EDAR: variants seen among roughly 807,000 people sequenced by gnomAD.
The protein encoded by EDAR is ectodysplasin A receptor, also known as tumor necrosis factor receptor superfamily member EDAR.
A neutral mutation model predicts 51.3 loss-of-function variants in EDAR; 38 were observed. The ratio of observed to expected loss-of-function variants is 0.74; its 90% CI spans 0.57 to 0.97. EDAR has a LOEUF of 0.97. Among genes scored for constraint, EDAR ranks in the 50% least tolerant of loss-of-function variants. The probability of loss-of-function intolerance (pLI) is 0.00; values close to 1 mark genes in which losing one functional copy is unlikely to be tolerated. For synonymous variants in EDAR, 227 were observed against 242.1 expected, an observed-to-expected ratio of 0.94 and a Z score of 0.58; for missense variants, 528 against 595.0, an observed-to-expected ratio of 0.89 and a Z score of 1.17.
intron 1 of EDAR, among the ~76,000 whole-genome samples, chr2:108,934,450 C>T (rs1359607928): frequency 2.0e-5 from 3 of 152,162 alleles, no homozygotes; most frequent in Non-Finnish European, 4.4e-5. Context: ...ACGTGGGGCT[C>T]CAGCCTCGTG....
At chr2:108,905,701 G>A (rs540652384) in intron 11 of EDAR, among the ~76,000 whole-genome samples, 10 of 152,282 alleles carry the variant, frequency 6.6e-5, no homozygotes, top group African/African-American at 2.4e-4. Flanking sequence ...GGGTTAATAA[G>A]AAGGTAATTT....
At chr2:108,970,526 C>T (rs1056758233) in intron 1 of EDAR, among the ~76,000 whole-genome samples, 8 of 151,958 alleles carry the variant, frequency 5.3e-5, no homozygotes, top group African/African-American at 7.3e-5. Flanking sequence ...GGCCTCTGGA[C>T]GGTGCCCAGG....
At position 108,931,011 on chromosome 2, in the gene EDAR, C is replaced by T. The variant is rs1697357300; in HGVS notation, c.4G>A (p.Ala2Thr). ...GTCTGCGTGCAGTCCCCCACATGGG[C>T]CATCCTCTCCCAAGGGCTCACCTGA... M[A>T]HVGDCTQTPW... Residue 2 changes from alanine to threonine, a missense_variant, in exon 2 of 12, where the codon GCC (alanine) becomes ACC (threonine). Physicochemically the swap from Ala to Thr is moderately conservative, Grantham distance 58. Transcript: ENST00000258443. 2 of 1,613,914 alleles carry T rather than the reference C, an allele frequency of 1.2e-6. No individual in the cohort carries two copies. Among genetic ancestry groups the T allele is most frequent in the Non-Finnish European group, 1.7e-6 (2 of 1,180,048 alleles).
chr2:108,977,927 T>G (rs1698353658), intron 1 of EDAR, among the ~76,000 whole-genome samples: 2 of 152,240 alleles, frequency 1.3e-5, no homozygotes, highest in South Asian at 4.1e-4. Flanking sequence ...GCTTATTCTC[T>G]TATCTATAGG....
intron 1 of EDAR, among the ~76,000 whole-genome samples, chr2:108,943,385 C>T (rs1280821834): frequency 2.0e-5 from 3 of 152,160 alleles, no homozygotes; most frequent in Non-Finnish European, 4.4e-5. Context: ...TCACCTCATT[C>T]TTTATATAGT....
chr2:108,921,040 C>T (rs956943164), intron 5 of EDAR, among the ~76,000 whole-genome samples: 1 of 152,166 alleles, frequency 6.6e-6, no homozygotes, highest in Non-Finnish European at 1.5e-5. Flanking sequence ...CCTGATGAAT[C>T]GGGGGTGGGC....
chr2:108,932,257 G>A lies in EDAR; in HGVS notation c.-18-1225C>T, dbSNP rs994006560. Among the ~76,000 whole-genome samples the A allele has an allele frequency of 3.9e-5, 6 of 152,122 alleles. No homozygotes were observed. In the East Asian group the frequency reaches 5.8e-4, roughly 15 times the overall value. ...AAATTAAGTTGGAGAGGCTGAGCGC[G>A]GTGGCTCACACCTGTAATCCCAGCA... On this transcript the variant is annotated intron_variant, in intron 1 of 11. Coordinates refer to ENST00000258443, the MANE Select transcript of EDAR (RefSeq NM_022336.4).
In EDAR at chr2:108,910,442, C is replaced by T. The variant is rs373825691; in HGVS notation, c.803+18G>A. 24 of 1,608,056 alleles carry T rather than the reference C, an allele frequency of 1.5e-5. No homozygotes were observed. Among genetic ancestry groups the T allele is most frequent in the South Asian group, 5.5e-5 (5 of 90,564 alleles). ...ACAGGACCCCAGCTTCAGCTTGGTG[C>T]TGGGGGCTTCCACATACCTCTTGGT... On this transcript the variant is annotated intron_variant, in intron 9 of 11. Coordinates refer to ENST00000258443, the MANE Select transcript of EDAR (RefSeq NM_022336.4).
chr2:108,952,537 A>G (rs577688673), intron 1 of EDAR, among the ~76,000 whole-genome samples: 2 of 152,302 alleles, frequency 1.3e-5, no homozygotes, highest in African/African-American at 4.8e-5. Flanking sequence ...TTTCAGATAT[A>G]CTTTTCACTT....
chr2:108,896,717 C>T lies in EDAR; in HGVS notation c.*190G>A. 11 of 619,154 alleles carry T rather than the reference C, an allele frequency of 1.8e-5. No homozygotes were observed. The South Asian group carries it at 2.2e-4, about 12-fold the overall frequency. 38.4% of individuals were successfully genotyped at this position (619,154 alleles called of 1,614,324 possible). On this transcript the variant is annotated 3_prime_UTR_variant, in exon 12 of 12. Transcript: ENST00000258443. ...AGGCGAGCATCTGAAAGTATCCCGG[C>T]TCTAGTCCTTTATCTTTGGTTAAAT...
rs145547836 is a variant in EDAR, at chr2:108,897,601, T to G, written c.1025-372A>C. Among the ~76,000 whole-genome samples the G allele has an allele frequency of 4.0e-3, 612 of 152,196 alleles. 5 individuals carry two copies. The highest frequency in any genetic ancestry group is 0.014 in the African/African-American group (566 of 41,546). ...CCATGGGGCTGGGCTGAGGAGGGGT[T>G]CAAAGGGACAGTGTCATGTCTCTTT... is the stretch of plus-strand genomic sequence containing the variant. On this transcript the variant is annotated intron_variant, in intron 11 of 11. Transcript: ENST00000258443.
chr2:108,902,960 C>T (rs1222559413), intron 11 of EDAR, among the ~76,000 whole-genome samples: 2 of 152,050 alleles, frequency 1.3e-5, no homozygotes, highest in African/African-American at 2.4e-5. Context: ...AGAAATAAAA[C>T]GGTCCCATTT....
chr2:108,926,471 C>T (rs1034013559), intron 4 of EDAR, among the ~76,000 whole-genome samples: 5 of 152,198 alleles, frequency 3.3e-5, no homozygotes, highest in African/African-American at 4.8e-5. Context: ...CTGTAAGGGA[C>T]GCCGCAGATT....
intron 5 of EDAR, among the ~76,000 whole-genome samples, chr2:108,921,019 G>T (rs1186296489): frequency 6.6e-6 from 1 of 152,140 alleles, no homozygotes; most frequent in Non-Finnish European, 1.5e-5. Flanking sequence ...ACATTCTCTG[G>T]CTCACCCAGA....
intron 1 of EDAR, among the ~76,000 whole-genome samples, chr2:108,963,500 C>T (rs934940727): frequency 6.6e-6 from 1 of 152,104 alleles, no homozygotes; most frequent in African/African-American, 2.4e-5. Context: ...TCCCATGTCC[C>T]CGTTACCCAA....
intron 1 of EDAR, among the ~76,000 whole-genome samples, chr2:108,954,432 G>T (rs1280267495): frequency 6.6e-6 from 1 of 152,170 alleles, no homozygotes. Context: ...CTTTGGATAG[G>T]TGTGGTGGTC....
chr2:108,971,536 C>A (rs1698233260), intron 1 of EDAR, among the ~76,000 whole-genome samples: 1 of 152,092 alleles, frequency 6.6e-6, no homozygotes, highest in African/African-American at 2.4e-5. Context: ...GGCATTCTAG[C>A]AGAGAGCTGA....
rs1696601812 is a variant in EDAR at position 108,896,767 on chromosome 2, G to T, written c.*140C>A. 1.3e-6 allele frequency: 1 copy of T among 797,784 alleles called. No homozygotes were observed. Among genetic ancestry groups the T allele is most frequent in the Non-Finnish European group, 2.0e-6 (1 of 511,416 alleles). The allele number at this position is 797,784 out of a possible 1,614,324, so 49.4% of individuals were successfully genotyped here. On this transcript the variant is annotated 3_prime_UTR_variant, in exon 12 of 12. Transcript: ENST00000258443. ...TTGGAAGACAGGCCTTATTTCGTCT[G>T]GCTCCTTGAACATCCTAAGGCATAC...
In EDAR at chr2:108,910,469, G is replaced by A; in HGVS notation, c.794C>T (p.Pro265Leu). ...FEKLTATPAKPTKSENDASSE... is the reference protein window; with the variant it reads ...FEKLTATPAKLTKSENDASSE... ...GGGGGCTTCCACATACCTCTTGGTG[G>A]GCTTTGCTGGAGTTGCTGTCAGCTT... The change falls in exon 9 of 12, where the codon CCC becomes CTC. Residue 265 changes from proline (P) to leucine (L), a missense_variant. Coordinates refer to ENST00000258443, the MANE Select transcript of EDAR (RefSeq NM_022336.4). 1 of 1,613,642 alleles carries A rather than the reference G, an allele frequency of 6.2e-7. No homozygotes were observed. The highest frequency in any genetic ancestry group is 8.5e-7 in the Non-Finnish European group (1 of 1,179,742).
Sources: gnomAD v4.1 joint callset for allele counts (sites outside exome capture counted in the v4.1 genomes callset) on GRCh38, gnomAD v4.1.1 for gene constraint, MANE v1.5 for transcripts, NCBI Gene and HGNC (gene_info 2026-07-23, HGNC 2026-07-21) for gene names.